PPP6R3: variants seen among roughly 807,000 people sequenced by gnomAD.
PPP6R3 encodes serine/threonine-protein phosphatase 6 regulatory subunit 3.
Under a neutral mutation model 110.7 loss-of-function variants are expected in PPP6R3, and 38 were observed. The observed-to-expected ratio is 0.34, with a 90% confidence interval of 0.26 to 0.45. PPP6R3 has a LOEUF of 0.45. PPP6R3 is among the 20% of genes least tolerant of loss of function. The pLI is 1.00. For synonymous variants in PPP6R3, 369 were observed against 373.5 expected, an observed-to-expected ratio of 0.99 and a Z score of 0.14; for missense variants, 870 against 1,062.4, an observed-to-expected ratio of 0.82 and a Z score of 2.52.
At chr11:68,565,769 T>C (rs2099462115) in intron 9 of PPP6R3, among the ~76,000 whole-genome samples, 2 of 148,540 alleles carry the variant, frequency 1.3e-5, no homozygotes, top group South Asian at 2.1e-4. Context: ...CTGGTTTTAC[T>C]GTATGATATG....
chr11:68,509,030 A>G (rs954614972), intron 1 of PPP6R3, among the ~76,000 whole-genome samples: 7 of 152,236 alleles, frequency 4.6e-5, no homozygotes, highest in African/African-American at 1.7e-4. Flanking sequence ...GATATTATTG[A>G]TGATTAAAAC....
At chr11:68,550,007 C>A (rs1248423109) in intron 5 of PPP6R3, among the ~76,000 whole-genome samples, 3 of 152,066 alleles carry the variant, frequency 2.0e-5, no homozygotes, top group Middle Eastern at 3.2e-3. Flanking sequence ...AGGAATGCCC[C>A]GCCCCTCACA....
chr11:68,484,215 A>G (rs915768267), intron 1 of PPP6R3, among the ~76,000 whole-genome samples: 8 of 152,136 alleles, frequency 5.3e-5, no homozygotes, highest in African/African-American at 1.7e-4. Context: ...AAGTTTTTTC[A>G]CTTTACTTCG....
intron 2 of PPP6R3, among the ~76,000 whole-genome samples, chr11:68,529,466 C>G (rs1224924764): frequency 1.3e-5 from 2 of 152,210 alleles, no homozygotes; most frequent in East Asian, 3.8e-4. Context: ...ATCCACCCAC[C>G]TCAGCTGCCC....
At chr11:68,508,323 G>A (rs2099089932) in intron 1 of PPP6R3, among the ~76,000 whole-genome samples, 3 of 151,794 alleles carry the variant, frequency 2.0e-5, no homozygotes, top group South Asian at 4.2e-4. Context: ...GTAGAGACGG[G>A]GTTTCACCAC....
intron 12 of PPP6R3, chr11:68,571,329 T>C (rs2099505549): frequency 5.7e-6 from 3 of 529,152 alleles, no homozygotes; most frequent in Non-Finnish European, 9.3e-6. Flanking sequence ...GAGTTCGGAG[T>C]GTTCCCCACC....
At chr11:68,585,774 C>T (rs942935590) in intron 15 of PPP6R3, among the ~76,000 whole-genome samples, 1 of 152,052 alleles carries the variant, frequency 6.6e-6, no homozygotes, top group Non-Finnish European at 1.5e-5. Context: ...GTGTCAGTTG[C>T]TATGTATCTC....
At chr11:68,532,496 T>G (rs2153626905) in intron 2 of PPP6R3, among the ~76,000 whole-genome samples, 1 of 152,238 alleles carries the variant, frequency 6.6e-6, no homozygotes, top group East Asian at 1.9e-4. Flanking sequence ...GAGGGTAGTT[T>G]GGCTTTACTA....
intron 18 of PPP6R3, 112 bp downstream of exon 18, chr11:68,591,818 GT>G (rs549150032): frequency 0.011 from 13,851 of 1,245,220 alleles, 88 homozygotes; most frequent in Non-Finnish European, 0.013. Context: ...AGAAACCAGT[GT>G]TTTTTTTTGT....
At chr11:68,461,242 C>T (rs1211610028) in intron 1 of PPP6R3, among the ~76,000 whole-genome samples, 4 of 151,812 alleles carry the variant, frequency 2.6e-5, no homozygotes, top group African/African-American at 9.7e-5. Flanking sequence ...CCCGCTGGGC[C>T]TCCCGGGGGC....
Position 68,603,500 on chromosome 11 carries a change from G to T in PPP6R3, c.2450+8G>T. 1 of 1,614,062 alleles carries T rather than the reference G, an allele frequency of 6.2e-7. No homozygotes were observed. The highest frequency in any genetic ancestry group is 2.2e-5 in the East Asian group (1 of 44,878). On this transcript the variant is annotated splice_region_variant and intron_variant, in intron 22 of 23. Transcript: ENST00000393800. Reference sequence around the variant, plus strand: ...GACTGCGGTCTTCAAAAGGTAACCAGGGGTGAGATCCTGCTGGTAGCTTCA... The same window carrying T: ...GACTGCGGTCTTCAAAAGGTAACCATGGGTGAGATCCTGCTGGTAGCTTCA...
intron 1 of PPP6R3, among the ~76,000 whole-genome samples, chr11:68,481,062 G>A (rs890913182): frequency 6.6e-6 from 1 of 151,880 alleles, no homozygotes; most frequent in Non-Finnish European, 1.5e-5. Flanking sequence ...TAGATTATGA[G>A]CCAAATCTGT....
At chr11:68,541,014 T>C (rs962564401) in intron 3 of PPP6R3, among the ~76,000 whole-genome samples, 1 of 152,170 alleles carries the variant, frequency 6.6e-6, no homozygotes, top group Non-Finnish European at 1.5e-5. Flanking sequence ...GATTAAGAGA[T>C]TAAAGTAAAG....
At chr11:68,516,453 G>A (rs1176706303) in intron 1 of PPP6R3, among the ~76,000 whole-genome samples, 1 of 152,034 alleles carries the variant, frequency 6.6e-6, no homozygotes, top group African/African-American at 2.4e-5. Context: ...GTTTAGATTT[G>A]GGCCCTATCC....
chr11:68,573,154 A>ATATATATATATAT (rs35361909), intron 12 of PPP6R3, among the ~76,000 whole-genome samples: 487 of 73,708 alleles, frequency 6.6e-3, no homozygotes, highest in Non-Finnish European at 7.9e-3. Flanking sequence ...ATATATATAT[A>ATATATATATATAT]ATTTTTTTTT....
chr11:68,608,788 C>T lies in PPP6R3; in HGVS notation c.2451-1116C>T, dbSNP rs565708645. ...GAGTTGAATCCATCCCAGTTAGCGA[C>T]TCAGAATACACATTGTGTTATGACT... is the stretch of plus-strand genomic sequence containing the variant. On this transcript the variant is annotated intron_variant, in intron 22 of 23. Transcript: ENST00000393800. 2.6e-5 allele frequency among the ~76,000 whole-genome samples: 4 copies of T among 152,254 alleles called. No homozygotes were observed. The South Asian group carries it at 8.3e-4, about 32-fold the overall frequency.
intron 2 of PPP6R3, among the ~76,000 whole-genome samples, chr11:68,532,322 G>T (rs575054235): frequency 6.6e-6 from 1 of 152,272 alleles, no homozygotes; most frequent in East Asian, 1.9e-4. Flanking sequence ...CTTGTCTTAC[G>T]TTACAGGAAG....
intron 2 of PPP6R3, among the ~76,000 whole-genome samples, chr11:68,523,710 C>T: frequency 6.6e-4 from 1 of 1,518 alleles, no homozygotes; most frequent in Non-Finnish European, 1.9e-3. Context: ...CCCCCCTGCC[C>T]CCCCCCCCCC....
At chr11:68,524,444 C>G (rs2099185232) in intron 2 of PPP6R3, among the ~76,000 whole-genome samples, 1 of 152,108 alleles carries the variant, frequency 6.6e-6, no homozygotes, top group Admixed American at 6.6e-5. Context: ...GTGATGTGCT[C>G]AGGGCAGTCC....
Sources: allele counts gnomAD v4.1 joint callset (sites outside exome capture counted in the v4.1 genomes callset), GRCh38; gene constraint gnomAD v4.1.1; transcripts MANE v1.5; gene names NCBI Gene and HGNC (gene_info 2026-07-23, HGNC 2026-07-21).